Variants in GALNT11 observed in about 807,000 individuals in gnomAD.
The protein encoded by GALNT11 is polypeptide N-acetylgalactosaminyltransferase 11, also known as UDP-GalNAc:polypeptide N-acetylgalactosaminyltransferase 11.
Under a neutral mutation model 72.7 loss-of-function variants are expected in GALNT11, and 47 were observed. The ratio of observed to expected loss-of-function variants is 0.65; its 90% confidence interval spans 0.51 to 0.82. The LOEUF (loss-of-function observed/expected upper bound fraction) is 0.82, where lower values mean the gene tolerates loss of function less well. Among genes scored for constraint, GALNT11 ranks in the 40% least tolerant of loss-of-function variants. The pLI, the probability that GALNT11 is intolerant of heterozygous loss-of-function variation, is 0.00. For missense variants in GALNT11, 677 were observed against 778.4 expected, an observed-to-expected ratio of 0.87 and a Z score of 1.55; for synonymous variants, 270 against 286.6, an observed-to-expected ratio of 0.94 and a Z score of 0.58.
At chr7:152,114,399 C>A (rs1374749627) in intron 8 of GALNT11, among the ~76,000 whole-genome samples, 1 of 152,118 alleles carries the variant, frequency 6.6e-6, no homozygotes, top group Non-Finnish European at 1.5e-5. Flanking sequence ...ACTATGTGGT[C>A]TTTTCTGTCT....
chr7:152,035,922 C>T lies in GALNT11; in HGVS notation c.-39+10038C>T, dbSNP rs187553269. Among the ~76,000 whole-genome samples the T allele has an allele frequency of 4.9e-4, 74 of 152,216 alleles. 1 individual carries two copies. The highest frequency in any genetic ancestry group is 1.5e-3 in the South Asian group (7 of 4,824). On this transcript the variant is annotated intron_variant, in intron 1 of 11. Coordinates refer to ENST00000430044, the MANE Select transcript of GALNT11 (RefSeq NM_022087.4). ...TCTGATGTGGCTGCTGCGTAGTGCC[C>T]GCTGGCCTCCCTCTTGATCTTCAGG... is the stretch of plus-strand genomic sequence containing the variant.
At chr7:152,107,570 C>CT (rs1168625055) in intron 5 of GALNT11, 8 of 157,442 alleles carry the variant, frequency 5.1e-5, no homozygotes, top group Non-Finnish European at 8.5e-5. Flanking sequence ...TCTCTGTACT[C>CT]TGTTTACTGA....
intron 1 of GALNT11, among the ~76,000 whole-genome samples, chr7:152,029,372 A>G (rs1354600704): frequency 6.6e-6 from 1 of 152,188 alleles, no homozygotes; most frequent in Non-Finnish European, 1.5e-5. Flanking sequence ...GGCCATTTCT[A>G]ACCCTATAGG....
intron 2 of GALNT11, among the ~76,000 whole-genome samples, chr7:152,095,281 T>C (rs1363352885): frequency 6.6e-6 from 1 of 151,312 alleles, no homozygotes; most frequent in Non-Finnish European, 1.5e-5. Flanking sequence ...AGTGTTGATT[T>C]TGACATTTTA....
Position 152,094,176 on chromosome 7 carries a change from T to C in GALNT11, c.-38-14T>C. 6.6e-7 allele frequency: 1 copy of C among 1,522,856 alleles called. No individual in the cohort carries two copies. 94.3% of individuals were successfully genotyped at this position (1,522,856 alleles called of 1,614,324 possible). ...TATACTGAAGTGTCTAACATATTTATTCTTCTTTTTTAGGAAATTGACAAT... is the reference window on the plus strand; with the variant it reads ...TATACTGAAGTGTCTAACATATTTACTCTTCTTTTTTAGGAAATTGACAAT... On this transcript the variant is annotated splice_polypyrimidine_tract_variant and intron_variant, in intron 1 of 11. Coordinates refer to ENST00000430044, the MANE Select transcript of GALNT11 (RefSeq NM_022087.4). This position sits in a 1 kb window ranked among gnomAD's most constrained non-coding sequence, Gnocchi z 4.3.
At chr7:152,102,628 G>A (rs1393326236) in intron 3 of GALNT11, among the ~76,000 whole-genome samples, 1 of 152,044 alleles carries the variant, frequency 6.6e-6, no homozygotes, top group East Asian at 1.9e-4. Context: ...TCTTGAAGAA[G>A]AAACCGTATT....
Position 152,110,616 on chromosome 7 carries a change from G to A in GALNT11, c.1051G>A (p.Gly351Arg). Reference sequence around the variant, plus strand: ...GTATGATAGTGGCATGGATATCTGGGGAGGAGAAAATTTGGAAATATCATT... The same window carrying A: ...GTATGATAGTGGCATGGATATCTGGAGAGGAGAAAATTTGGAAATATCATT... Reference protein sequence around the residue: ...GQYDSGMDIWGGENLEISFRI... With the variant: ...GQYDSGMDIWRGENLEISFRI... The change falls in exon 7 of 12, where the codon GGA (glycine) becomes AGA (arginine). Residue 351 changes from glycine (G) to arginine (R), a missense_variant. By Grantham distance (125) the Gly-to-Arg change is moderately radical. Transcript: ENST00000430044. 5 of 1,611,946 alleles carry A rather than the reference G, an allele frequency of 3.1e-6. No individual in the cohort carries two copies. The highest frequency in any genetic ancestry group is 4.2e-6 in the Non-Finnish European group (5 of 1,179,378).
chr7:152,104,238 C>A (rs1015209939), intron 4 of GALNT11: 1 of 152,228 alleles, frequency 6.6e-6, no homozygotes, highest in African/African-American at 2.4e-5. Context: ...GGAAATGAGA[C>A]CTCTGGTCTG....
intron 1 of GALNT11, among the ~76,000 whole-genome samples, chr7:152,090,173 ACAC>A (rs1231259801): frequency 2.0e-5 from 3 of 152,224 alleles, no homozygotes; most frequent in Non-Finnish European, 2.9e-5. Context: ...AGCTTGGCAT[ACAC>A]CCAGGAGTGA....
At chr7:152,079,162 T>G (rs2085168464) in intron 1 of GALNT11, 1 of 152,218 alleles carries the variant, frequency 6.6e-6, no homozygotes, top group Non-Finnish European at 1.5e-5. Flanking sequence ...TCAATTTATA[T>G]TATTTGTTTT....
chr7:152,037,191 A>G (rs1458454691), intron 1 of GALNT11, among the ~76,000 whole-genome samples: 1 of 152,168 alleles, frequency 6.6e-6, no homozygotes, highest in Non-Finnish European at 1.5e-5. Flanking sequence ...TAGTAGTTTC[A>G]TAGCTTGAGG....
intron 1 of GALNT11, among the ~76,000 whole-genome samples, chr7:152,049,225 G>A (rs919067731): frequency 3.9e-5 from 6 of 152,172 alleles, no homozygotes; most frequent in East Asian, 1.9e-4. Flanking sequence ...GGTATTTATC[G>A]TAGTCTTCAC....
chr7:152,066,463 A>G (rs2084317929), intron 1 of GALNT11, among the ~76,000 whole-genome samples: 1 of 148,918 alleles, frequency 6.7e-6, no homozygotes, highest in African/African-American at 2.6e-5. Flanking sequence ...ACTGTCCAAC[A>G]AGCCCCAGTG....
chr7:152,113,712 CTT>C (rs6150397), intron 8 of GALNT11, among the ~76,000 whole-genome samples: 5 of 96,966 alleles, frequency 5.2e-5, no homozygotes, highest in African/African-American at 9.2e-5. Flanking sequence ...AGTTGGCTTT[CTT>C]TTTTTTTTTT....
intron 1 of GALNT11, among the ~76,000 whole-genome samples, chr7:152,068,905 G>A (rs2084468394): frequency 6.6e-6 from 1 of 151,626 alleles, no homozygotes; most frequent in Non-Finnish European, 1.5e-5. Flanking sequence ...GTTCATGTCA[G>A]ACAAGTAAAA....
rs2089337012 is a variant in GALNT11 at position 152,120,624 on chromosome 7, G to T, written c.1558-207G>T. 5.7e-6 allele frequency: 3 copies of T among 525,232 alleles called. No homozygotes were observed. In the South Asian group the frequency reaches 7.0e-5, roughly 12 times the overall value. 32.5% of individuals were successfully genotyped at this position (525,232 alleles called of 1,614,324 possible). On this transcript the variant is annotated intron_variant, in intron 10 of 11. Coordinates refer to ENST00000430044, the MANE Select transcript of GALNT11 (RefSeq NM_022087.4). The stretch of plus-strand genomic sequence containing the variant: ...TGAACAAAATTCAGCCACTGCTTAG[G>T]TTTCTTCCCAGAATAGCACCTCACT...
intron 2 of GALNT11, among the ~76,000 whole-genome samples, chr7:152,096,497 A>C (rs922975469): frequency 6.6e-6 from 1 of 152,114 alleles, no homozygotes; most frequent in Admixed American, 6.6e-5. Flanking sequence ...TGGGTGGATC[A>C]CCTGAGGTCA....
chr7:152,060,017 A>G (rs2083910241), intron 1 of GALNT11, among the ~76,000 whole-genome samples: 2 of 151,666 alleles, frequency 1.3e-5, no homozygotes, highest in African/African-American at 4.8e-5. Context: ...TGTTTAGTGT[A>G]GCCATCCTCA....
At chr7:152,052,408 A>G (rs1314389281) in intron 1 of GALNT11, among the ~76,000 whole-genome samples, 3 of 152,184 alleles carry the variant, frequency 2.0e-5, no homozygotes, top group Admixed American at 2.0e-4. Context: ...ATTTGTATAT[A>G]TTTATACAGT....
Sources: allele counts gnomAD v4.1 joint callset (sites outside exome capture counted in the v4.1 genomes callset), GRCh38; gene constraint gnomAD v4.1.1; non-coding constraint Gnocchi (gnomAD v3.1); transcripts MANE v1.5; gene names NCBI Gene and HGNC (gene_info 2026-07-23, HGNC 2026-07-21).